The following L2HGDH variants were observed in gnomAD, a reference collection of about 807,000 sequenced individuals.
L2HGDH encodes the protein L-2-hydroxyglutarate dehydrogenase, also known as L-2-hydroxyglutarate dehydrogenase, mitochondrial.
A neutral mutation model predicts 51.5 loss-of-function variants in L2HGDH; 34 were observed. That is an observed-to-expected ratio of 0.66 (90% CI 0.50 to 0.88). L2HGDH has a LOEUF of 0.88. L2HGDH is among the 40% of genes least tolerant of loss of function. The pLI is 0.00. For synonymous variants in L2HGDH, 198 were observed against 197.9 expected (o/e 1.00, Z -0.01); for missense variants, 558 against 571.9 (o/e 0.98, Z 0.25).
chr14:50,283,245 T>A (rs923522697), intron 5 of L2HGDH, among the ~76,000 whole-genome samples: 7 of 152,100 alleles, frequency 4.6e-5, no homozygotes, highest in Admixed American at 3.9e-4. Flanking sequence ...TGTCAAGAGA[T>A]TCTGACTGTA....
chr14:50,306,242 G>A (rs1174158518), intron 1 of L2HGDH, among the ~76,000 whole-genome samples: 1 of 151,866 alleles, frequency 6.6e-6, no homozygotes, highest in African/African-American at 2.4e-5. Context: ...GTAGAGACGG[G>A]GTTTCACCAT....
At position 50,245,612 on chromosome 14, in the gene L2HGDH, A is replaced by G; in HGVS notation, c.*1446T>C. 1 of 973,278 alleles carries G rather than the reference A, an allele frequency of 1.0e-6. No homozygotes were observed. Among genetic ancestry groups the G allele is most frequent in the South Asian group, 4.8e-5 (1 of 21,052 alleles). 60.3% of individuals were successfully genotyped at this position (973,278 alleles called of 1,614,324 possible). ...TTCCAAATACAAATATTGTTGCTCT[A>G]AATAATGTGAGTTTTGTGACTCTTC... On this transcript the variant is annotated 3_prime_UTR_variant, in exon 10 of 10. Transcript: ENST00000267436.
intron 9 of L2HGDH, among the ~76,000 whole-genome samples, chr14:50,256,999 C>T (rs928159296): frequency 1.3e-5 from 2 of 152,090 alleles, no homozygotes; most frequent in Admixed American, 1.3e-4. Flanking sequence ...ACAATGGTGT[C>T]ATCTCAGCTC....
rs115610985 is a variant in L2HGDH, at chr14:50,283,439, A to G, written c.703+432T>C. On this transcript the variant is annotated intron_variant, in intron 5 of 9. Transcript: ENST00000267436. Reference sequence around the variant, plus strand: ...GTACCTACCTCTGGTTCTGCACCATACTCTAGCCTAGCTCCATGTGGCCCT... The same window carrying G: ...GTACCTACCTCTGGTTCTGCACCATGCTCTAGCCTAGCTCCATGTGGCCCT... Among the ~76,000 whole-genome samples the G allele has an allele frequency of 3.5e-3, 526 of 151,714 alleles. 3 individuals carry two copies. Among genetic ancestry groups the G allele is most frequent in the African/African-American group, 0.012 (490 of 41,348 alleles).
At chr14:50,278,596 G>A (rs1431245851) in intron 5 of L2HGDH, 42 bp from the exon 6 acceptor site, 9 of 1,046,724 alleles carry the variant, frequency 8.6e-6, no homozygotes, top group Non-Finnish European at 1.3e-5. Flanking sequence ...TTTAGCAAAA[G>A]GCCAACATTA....
chr14:50,296,859 G>A (rs959079856), intron 3 of L2HGDH, among the ~76,000 whole-genome samples: 1 of 151,990 alleles, frequency 6.6e-6, no homozygotes, highest in Non-Finnish European at 1.5e-5. Context: ...AAATATTAAT[G>A]CAAAACCCTG....
At position 50,246,920 on chromosome 14, in the gene L2HGDH, C is replaced by T. The variant is rs1010273187; in HGVS notation, c.*138G>A. On this transcript the variant is annotated 3_prime_UTR_variant, in exon 10 of 10. Transcript: ENST00000267436. ...GTAGAAAATTATTATTTCTATGTTA[C>T]ATCATTTTAACAATGCAGTGGTTAT... 2.2e-6 allele frequency: 3 copies of T among 1,340,152 alleles called. No individual in the cohort carries two copies. The highest frequency in any genetic ancestry group is 2.5e-5 in the East Asian group (1 of 39,258). The allele number at this position is 1,340,152 out of a possible 1,614,324, so 83.0% of individuals were successfully genotyped here.
intron 4 of L2HGDH, among the ~76,000 whole-genome samples, chr14:50,291,919 A>T (rs1452217819): frequency 6.6e-6 from 1 of 152,214 alleles, no homozygotes; most frequent in African/African-American, 2.4e-5. Context: ...AGTCCAAAAG[A>T]ATTTCTAGAC....
chr14:50,272,435 A>C (rs1889751313), intron 6 of L2HGDH, among the ~76,000 whole-genome samples: 1 of 152,192 alleles, frequency 6.6e-6, no homozygotes, highest in South Asian at 2.1e-4. Context: ...GGCAAATCTG[A>C]TGGTAATCGA....
intron 3 of L2HGDH, chr14:50,299,737 A>C (rs1387162136): frequency 6.5e-6 from 1 of 154,348 alleles, no homozygotes; most frequent in East Asian, 1.9e-4. Flanking sequence ...CAATCAGGCC[A>C]GGCGTGGTGG....
chr14:50,247,149 T>A lies in L2HGDH; in HGVS notation c.1301A>T (p.His434Leu). ...GVGDIGNRIL[H>L]VRNAPSPAAT... ...AGCAGGAGAAGGTGCATTTCTCACATGAAGAATGCGATTTCCAATATCCCC... is the reference window on the plus strand; with the variant it reads ...AGCAGGAGAAGGTGCATTTCTCACAAGAAGAATGCGATTTCCAATATCCCC... The change falls in exon 10 of 10, where the codon CAT (histidine) becomes CTT (leucine). Residue 434 changes from histidine (H) to leucine (L), a missense_variant. Physicochemically the swap from His to Leu is moderately conservative, Grantham distance 99 (BLOSUM62 -3). Transcript: ENST00000267436. 1 of 1,614,190 alleles carries A rather than the reference T, an allele frequency of 6.2e-7. No homozygotes were observed. The highest frequency in any genetic ancestry group is 8.5e-7 in the Non-Finnish European group (1 of 1,180,038).
rs142306733 is a variant in L2HGDH, at chr14:50,277,174, T to A, written c.738+1346A>T. ...CTCAGCTAGTAGAAATTAAACATAA[T>A]CCAGGATGGATAAAGTAGACTGTTT... On this transcript the variant is annotated intron_variant, in intron 6 of 9. Transcript: ENST00000267436. Among the ~76,000 whole-genome samples, 380 of 151,692 alleles carry A rather than the reference T, an allele frequency of 2.5e-3. 2 individuals are homozygous for A. In the Middle Eastern group the frequency reaches 0.062, roughly 25 times the overall value.
At position 50,299,024 on chromosome 14, in the gene L2HGDH, C is replaced by T. The variant is rs148112234; in HGVS notation, c.408+2993G>A. On this transcript the variant is annotated intron_variant, in intron 3 of 9. Transcript: ENST00000267436. Reference sequence around the variant, plus strand: ...TGAAATTGAAACAAAGAAAACAATACAAAAGATTAATGAAAGGTTGGTTTT... The same window carrying T: ...TGAAATTGAAACAAAGAAAACAATATAAAAGATTAATGAAAGGTTGGTTTT... Among the ~76,000 whole-genome samples, 10 of 151,918 alleles carry T rather than the reference C, an allele frequency of 6.6e-5. No homozygotes were observed. The East Asian group carries it at 1.9e-3, about 29-fold the overall frequency.
intron 6 of L2HGDH, 46 bp downstream of exon 6, chr14:50,278,473 AG>A: frequency 8.0e-7 from 1 of 1,250,432 alleles, no homozygotes; most frequent in South Asian, 1.3e-5. Flanking sequence ...TTTTTAATAA[AG>A]GGGAGGGAAA....
At chr14:50,259,465 C>G (rs1888883542) in intron 9 of L2HGDH, among the ~76,000 whole-genome samples, 1 of 150,718 alleles carries the variant, frequency 6.6e-6, no homozygotes, top group Non-Finnish European at 1.5e-5. Context: ...CCACCTCGGC[C>G]TCTCAAAGTG....
chr14:50,297,560 CA>C (rs2030137344), intron 3 of L2HGDH, among the ~76,000 whole-genome samples: 1 of 152,106 alleles, frequency 6.6e-6, no homozygotes, highest in Admixed American at 6.6e-5. Context: ...CACTACAGAC[CA>C]AATGGACCTA....
intron 1 of L2HGDH, among the ~76,000 whole-genome samples, chr14:50,306,144 G>A (rs752889129): frequency 3.3e-5 from 5 of 151,514 alleles, no homozygotes; most frequent in South Asian, 2.1e-4. Context: ...TCCAGCTCCC[G>A]GATTCAAGCG....
At chr14:50,309,313 A>C (rs542350611) in intron 1 of L2HGDH, among the ~76,000 whole-genome samples, 3 of 152,304 alleles carry the variant, frequency 2.0e-5, no homozygotes, top group Admixed American at 2.0e-4. Context: ...CTGTAATCCC[A>C]ATACTTTGGG....
At chr14:50,281,751 G>GT (rs1401108497) in intron 5 of L2HGDH, among the ~76,000 whole-genome samples, 1 of 152,066 alleles carries the variant, frequency 6.6e-6, no homozygotes, top group East Asian at 1.9e-4. Context: ...TAGTCTAATT[G>GT]TAAGTCTGGA....
Sources: allele counts gnomAD v4.1 joint callset (sites outside exome capture counted in the v4.1 genomes callset), GRCh38; gene constraint gnomAD v4.1.1; transcripts MANE v1.5; gene names NCBI Gene and HGNC (gene_info 2026-07-23, HGNC 2026-07-21).